The following ADGRV1 variants were observed in gnomAD, a reference collection of about 807,000 sequenced individuals.
The protein encoded by ADGRV1 is adhesion G protein-coupled receptor V1, also known as G-protein coupled receptor 98.
In ADGRV1, 359 loss-of-function variants were observed where a neutral mutation model predicts 596.2. The ratio of observed to expected loss-of-function variants is 0.60; its 90% CI spans 0.55 to 0.66. The LOEUF is 0.66. Ranked by LOEUF, ADGRV1 falls within the 30% of genes least tolerant of loss-of-function variation. ADGRV1 has a pLI of 0.00. For synonymous variants in ADGRV1, 2,681 were observed against 2,679.2 expected (o/e 1.00, Z -0.02); for missense variants, 7,274 against 7,575.6 (o/e 0.96, Z 1.48).
intron 85 of ADGRV1, among the ~76,000 whole-genome samples, chr5:91,050,281 C>T (rs1487231336): frequency 6.6e-6 from 1 of 152,150 alleles, no homozygotes; most frequent in Non-Finnish European, 1.5e-5. Context: ...CTGAAAGAGA[C>T]ATCAGCGGTC....
intron 78 of ADGRV1, chr5:90,846,665 G>C (rs945751675): frequency 2.6e-5 from 4 of 153,688 alleles, no homozygotes; most frequent in African/African-American, 7.2e-5. Flanking sequence ...GTTACAGCTC[G>C]TAAAGGCAGT....
In ADGRV1 at chr5:90,627,785, T is replaced by G. The variant is rs545644804; in HGVS notation, c.1238+9T>G. On this transcript the variant is annotated intron_variant, in intron 7 of 89. Coordinates refer to ENST00000405460, the MANE Select transcript of ADGRV1 (RefSeq NM_032119.4). The stretch of plus-strand genomic sequence containing the variant: ...GAAGATAGAATATCAAGGTATGATT[T>G]ATTTTAAATATATTGCTACCATTAT... 7.1e-7 allele frequency: 1 copy of G among 1,401,310 alleles called. No homozygotes were observed. Among genetic ancestry groups the G allele is most frequent in the Non-Finnish European group, 9.6e-7 (1 of 1,042,024 alleles). The allele number at this position is 1,401,310 out of a possible 1,614,324, so 86.8% of individuals were successfully genotyped here. A position where few individuals can be genotyped will look rare whatever the true frequency, so the allele number is the denominator to read the frequency against.
At chr5:91,049,165 A>G (rs1331257337) in intron 85 of ADGRV1, among the ~76,000 whole-genome samples, 1 of 152,216 alleles carries the variant, frequency 6.6e-6, no homozygotes, top group African/African-American at 2.4e-5. Flanking sequence ...AAGATTTAAG[A>G]ATAATTTCTA....
Position 90,778,612 on chromosome 5 carries a change from A to ATAGT in ADGRV1, c.12849+4_12849+7dup, listed in dbSNP as rs1172651005. ...TTCGAGTGTCAGAAGCACAGAGGGT[A>ATAGT]TAGTATGAAATGCTTAAGATTTTAA... On this transcript the variant is annotated splice_donor_region_variant and intron_variant, in intron 63 of 89. Transcript: ENST00000405460. 1.3e-6 allele frequency: 2 copies of ATAGT among 1,542,858 alleles called. No homozygotes were observed. Among genetic ancestry groups the ATAGT allele is most frequent in the Admixed American group, 4.3e-5 (2 of 46,050 alleles).
At chr5:91,017,818 G>C (rs560958688) in intron 85 of ADGRV1, among the ~76,000 whole-genome samples, 3 of 151,970 alleles carry the variant, frequency 2.0e-5, no homozygotes, top group African/African-American at 7.2e-5. Context: ...TGTGGGCCCT[G>C]GGTGTCAGCA....
intron 87 of ADGRV1, among the ~76,000 whole-genome samples, chr5:91,141,625 C>G (rs1456144396): frequency 6.6e-6 from 1 of 152,092 alleles, no homozygotes; most frequent in Non-Finnish European, 1.5e-5. Context: ...AGATTAAATG[C>G]CTACTCTTCA....
intron 17 of ADGRV1, among the ~76,000 whole-genome samples, chr5:90,650,763 G>A (rs1768488733): frequency 6.6e-6 from 1 of 152,094 alleles, no homozygotes; most frequent in Non-Finnish European, 1.5e-5. Flanking sequence ...TATGATCATT[G>A]TTATGATAGA....
At chr5:90,716,111 C>G (rs77932708) in intron 42 of ADGRV1, among the ~76,000 whole-genome samples, 2 of 152,108 alleles carry the variant, frequency 1.3e-5, no homozygotes, top group Non-Finnish European at 2.9e-5. Context: ...GCTGATAGCC[C>G]TGGGACACTG....
At chr5:91,007,137 T>C (rs551863439) in intron 85 of ADGRV1, among the ~76,000 whole-genome samples, 141 of 152,324 alleles carry the variant, frequency 9.3e-4, no homozygotes, top group African/African-American at 3.1e-3. Context: ...AATTAAAATA[T>C]CTTAGTTTTA....
intron 1 of ADGRV1, among the ~76,000 whole-genome samples, chr5:90,600,563 A>G (rs778392031): frequency 3.3e-5 from 5 of 152,186 alleles, no homozygotes; most frequent in Non-Finnish European, 7.3e-5. Flanking sequence ...ATTGATGGAC[A>G]TTTGGGTTGG....
At chr5:90,995,569 T>C (rs1347256945) in intron 85 of ADGRV1, among the ~76,000 whole-genome samples, 1 of 152,046 alleles carries the variant, frequency 6.6e-6, no homozygotes, top group Non-Finnish European at 1.5e-5. Flanking sequence ...ATATAGAAAA[T>C]TGGTACCTGG....
At chr5:90,925,099 GC>G (rs1774292175) in intron 83 of ADGRV1, among the ~76,000 whole-genome samples, 1 of 152,144 alleles carries the variant, frequency 6.6e-6, no homozygotes, top group Admixed American at 6.6e-5. Flanking sequence ...GCTTAGGATT[GC>G]CTTGGCGATG....
intron 83 of ADGRV1, among the ~76,000 whole-genome samples, chr5:90,891,953 C>A (rs568108854): frequency 2.6e-5 from 4 of 151,794 alleles, no homozygotes; most frequent in Admixed American, 6.6e-5. Context: ...TTTCTTTAGT[C>A]TCTATTGAAA....
At chr5:91,136,602 T>G (rs1276988113) in intron 87 of ADGRV1, among the ~76,000 whole-genome samples, 1 of 152,242 alleles carries the variant, frequency 6.6e-6, no homozygotes, top group Non-Finnish European at 1.5e-5. Flanking sequence ...CACCTTTCTT[T>G]ATAAATTTGA....
intron 11 of ADGRV1, among the ~76,000 whole-genome samples, chr5:90,639,734 A>G (rs2149417662): frequency 6.6e-6 from 1 of 152,288 alleles, no homozygotes; most frequent in East Asian, 1.9e-4. Context: ...AGCAAATTAC[A>G]TTTGAGTGTT....
intron 21 of ADGRV1, among the ~76,000 whole-genome samples, chr5:90,672,192 T>G (rs1322168674): frequency 6.6e-6 from 1 of 152,238 alleles, no homozygotes; most frequent in Non-Finnish European, 1.5e-5. Flanking sequence ...CTCTTTAGAA[T>G]TCTACTTATC....
At chr5:90,700,827 A>G (rs1420448917) in intron 34 of ADGRV1, among the ~76,000 whole-genome samples, 1 of 152,106 alleles carries the variant, frequency 6.6e-6, no homozygotes, top group East Asian at 1.9e-4. Flanking sequence ...TTTTTGTTAT[A>G]GAGGGCAATT....
At chr5:90,647,413 G>A (rs1767941002) in intron 16 of ADGRV1, 85 bp from the exon 17 acceptor site, 1 of 1,375,084 alleles carries the variant, frequency 7.3e-7, no homozygotes, top group African/African-American at 1.4e-5. Context: ...TTCTCTCTTG[G>A]AGGGCAGGGA....
At chr5:91,000,710 T>TGTGTGTGTGTGTGTG (rs1781789736) in intron 85 of ADGRV1, among the ~76,000 whole-genome samples, 1 of 86,854 alleles carries the variant, frequency 1.2e-5, no homozygotes, top group Admixed American at 1.2e-4. Context: ...GTGTGTGTGT[T>TGTGTGTGTGTGTGTG]TATAGACATT....
Sources: allele counts gnomAD v4.1 joint callset (sites outside exome capture counted in the v4.1 genomes callset), GRCh38; gene constraint gnomAD v4.1.1; transcripts MANE v1.5; gene names NCBI Gene and HGNC (gene_info 2026-07-23, HGNC 2026-07-21).